The following PLEKHA5 variants were observed in gnomAD, a reference collection of about 807,000 sequenced individuals.
The protein encoded by PLEKHA5 is pleckstrin homology domain containing A5, also known as pleckstrin homology domain-containing family A member 5.
PLEKHA5 carries 55 observed loss-of-function variants against 181.9 expected under a neutral mutation model. The observed-to-expected ratio is 0.30, with a 90% CI of 0.24 to 0.38. The LOEUF is 0.38. Among genes scored for constraint, PLEKHA5 ranks in the 10% least tolerant of loss-of-function variants. The pLI is 1.00. For synonymous variants in PLEKHA5, 535 were observed against 529.4 expected, an observed-to-expected ratio of 1.01 and a Z score of -0.15; for missense variants, 1,432 against 1,549.5, an observed-to-expected ratio of 0.92 and a Z score of 1.27.
intron 3 of PLEKHA5, chr12:19,176,204 C>T (rs1591938140): frequency 6.6e-6 from 1 of 150,392 alleles, no homozygotes; most frequent in South Asian, 2.1e-4. Context: ...CCCCCCCCCA[C>T]CTTCCTCCCT....
intron 6 of PLEKHA5, among the ~76,000 whole-genome samples, chr12:19,259,658 C>T (rs552575448): frequency 2.0e-5 from 3 of 151,030 alleles, no homozygotes; most frequent in African/African-American, 4.9e-5. Context: ...GGCTGAGACA[C>T]GAGAATCACT....
chr12:19,214,197 T>C (rs2057498197), intron 3 of PLEKHA5, among the ~76,000 whole-genome samples: 1 of 151,934 alleles, frequency 6.6e-6, no homozygotes, highest in African/African-American at 2.4e-5. Flanking sequence ...CAGAAGTGAT[T>C]AGCATAAAAG....
chr12:19,291,975 A>G (rs1387806425), intron 15 of PLEKHA5, among the ~76,000 whole-genome samples: 2 of 152,186 alleles, frequency 1.3e-5, no homozygotes, highest in African/African-American at 4.8e-5. Context: ...CCATTAAAAC[A>G]CCTACTCCTT....
intron 7 of PLEKHA5, among the ~76,000 whole-genome samples, chr12:19,261,840 C>G (rs541367579): frequency 6.6e-6 from 1 of 152,048 alleles, no homozygotes; most frequent in Admixed American, 6.6e-5. Flanking sequence ...CACAAAAGAC[C>G]GGTAGCAAAA....
intron 26 of PLEKHA5, among the ~76,000 whole-genome samples, chr12:19,355,759 A>G (rs182015341): frequency 5.8e-4 from 88 of 152,244 alleles, no homozygotes; most frequent in Non-Finnish European, 1.1e-3. Context: ...CTGTAATACT[A>G]TTGTTTGTTC....
intron 28 of PLEKHA5, among the ~76,000 whole-genome samples, chr12:19,361,236 T>C (rs1487572057): frequency 6.6e-6 from 1 of 152,180 alleles, no homozygotes; most frequent in Non-Finnish European, 1.5e-5. Flanking sequence ...CAGGCTGGAG[T>C]GCAGTCCGCG....
At chr12:19,195,147 G>A (rs1280056109) in intron 3 of PLEKHA5, among the ~76,000 whole-genome samples, 1 of 152,094 alleles carries the variant, frequency 6.6e-6, no homozygotes, top group Non-Finnish European at 1.5e-5. Flanking sequence ...CTTGCGCAAA[G>A]TTAGTAACAG....
intron 29 of PLEKHA5, 90 bp from the exon 30 acceptor site, chr12:19,365,874 A>G: frequency 2.7e-6 from 2 of 743,750 alleles, no homozygotes; most frequent in Non-Finnish European, 2.1e-6. Flanking sequence ...GTTGTTAAAC[A>G]TAGGTGGTGG....
At chr12:19,246,908 A>G (rs1011822075) in intron 3 of PLEKHA5, among the ~76,000 whole-genome samples, 2 of 152,080 alleles carry the variant, frequency 1.3e-5, no homozygotes, top group East Asian at 1.9e-4. Context: ...CCTCACTTTT[A>G]TGGGCTTTTA....
intron 3 of PLEKHA5, among the ~76,000 whole-genome samples, chr12:19,248,406 C>T (rs2064338196): frequency 6.6e-6 from 1 of 152,120 alleles, no homozygotes; most frequent in African/African-American, 2.4e-5. Flanking sequence ...CCATGTTGTC[C>T]AGGCTGGTCT....
intron 15 of PLEKHA5, among the ~76,000 whole-genome samples, chr12:19,295,116 C>T (rs894946105): frequency 2.6e-5 from 4 of 152,254 alleles, no homozygotes; most frequent in Non-Finnish European, 5.9e-5. Flanking sequence ...CAAAGTAGAA[C>T]CTGTATACAT....
chr12:19,226,800 T>C (rs1029562479), intron 3 of PLEKHA5, among the ~76,000 whole-genome samples: 11 of 152,334 alleles, frequency 7.2e-5, no homozygotes, highest in Admixed American at 2.0e-4. Context: ...ATGTGCTCTG[T>C]TATTTAAATT....
intron 28 of PLEKHA5, among the ~76,000 whole-genome samples, chr12:19,359,748 G>A (rs2095129751): frequency 6.6e-6 from 1 of 151,796 alleles, no homozygotes; most frequent in African/African-American, 2.4e-5. Context: ...CGAATCACGA[G>A]GTCAGGAGAT....
intron 28 of PLEKHA5, among the ~76,000 whole-genome samples, chr12:19,360,977 G>A (rs1331586785): frequency 1.3e-5 from 2 of 151,896 alleles, no homozygotes; most frequent in East Asian, 1.9e-4. Context: ...GGCTGGTCTC[G>A]AACTCCTGAC....
At chr12:19,365,551 C>T (rs2153275163) in intron 29 of PLEKHA5, among the ~76,000 whole-genome samples, 1 of 152,136 alleles carries the variant, frequency 6.6e-6, no homozygotes, top group Middle Eastern at 3.4e-3. Context: ...ATTTGTCAGG[C>T]AATATATGGA....
chr12:19,346,982 T>C lies in PLEKHA5; in HGVS notation c.2710-12T>C. On this transcript the variant is annotated splice_polypyrimidine_tract_variant and intron_variant, in intron 23 of 31. Transcript: ENST00000429027. ...GCTTATCTAAATAAGGTGACTGTTC[T>C]ACAATCTTTAGGAAGAGGAAGTAGT... 6.5e-7 allele frequency: 1 copy of C among 1,534,326 alleles called. No individual in the cohort carries two copies. The highest frequency in any genetic ancestry group is 1.2e-5 in the South Asian group (1 of 82,094).
chr12:19,236,759 T>C (rs1222922283), intron 3 of PLEKHA5, among the ~76,000 whole-genome samples: 3 of 152,216 alleles, frequency 2.0e-5, no homozygotes, highest in African/African-American at 4.8e-5. Context: ...TTTACTCTTA[T>C]GGCTGGAAGG....
Position 19,375,802 on chromosome 12 carries a change from G to A in PLEKHA5, c.*283G>A, listed in dbSNP as rs2095698502. 3 of 152,702 alleles carry A rather than the reference G, an allele frequency of 2.0e-5. No individual in the cohort carries two copies. The South Asian group carries it at 6.2e-4, about 32-fold the overall frequency. 9.5% of individuals were successfully genotyped at this position (152,702 alleles called of 1,614,324 possible). On this transcript the variant is annotated 3_prime_UTR_variant, in exon 32 of 32. Coordinates refer to ENST00000429027, the MANE Select transcript of PLEKHA5 (RefSeq NM_001256470.2). ...AAGTAAAGGTGCTTTTTAATGTGCA[G>A]TCTATTTCCAGAGCTTACTTAGTTG...
intron 16 of PLEKHA5, among the ~76,000 whole-genome samples, chr12:19,319,144 T>G (rs376400454): frequency 7.9e-5 from 12 of 152,188 alleles, no homozygotes; most frequent in African/African-American, 2.4e-4. Flanking sequence ...CAGTTGACAC[T>G]TCTCAGGACA....
Sources: gnomAD v4.1 joint callset for allele counts (sites outside exome capture counted in the v4.1 genomes callset) on GRCh38, gnomAD v4.1.1 for gene constraint, MANE v1.5 for transcripts, NCBI Gene and HGNC (gene_info 2026-07-23, HGNC 2026-07-21) for gene names.